Variants in DLGAP4 observed in about 807,000 individuals in gnomAD.
DLGAP4 encodes the protein DLG associated protein 4.
DLGAP4 carries 18 observed loss-of-function variants against 86.9 expected under a neutral mutation model. The observed-to-expected ratio is 0.21, with a 90% CI of 0.14 to 0.31. The LOEUF (loss-of-function observed/expected upper bound fraction) is 0.31, where lower values mean the gene tolerates loss of function less well. Ranked by LOEUF, DLGAP4 falls within the 10% of genes least tolerant of loss-of-function variation. The pLI is 1.00. For synonymous variants in DLGAP4, 548 were observed against 574.3 expected (o/e 0.95, Z 0.65); for missense variants, 1,085 against 1,362.6 (o/e 0.80, Z 3.21).
intron 10 of DLGAP4, among the ~76,000 whole-genome samples, chr20:36,512,047 ATTTTTTTT>A (rs72011781): frequency 8.6e-6 from 1 of 116,088 alleles, no homozygotes; most frequent in Admixed American, 8.7e-5. Context: ...TGTCTCTCTG[ATTTTTTTT>A]TTTTTTTTTT....
In DLGAP4 at chr20:36,475,200, A is replaced by C. The variant is rs902371923; in HGVS notation, c.1649-21505A>C. Among the ~76,000 whole-genome samples the C allele has an allele frequency of 1.0e-3, 156 of 152,024 alleles. 1 individual carries two copies. The highest frequency in any genetic ancestry group is 3.6e-3 in the African/African-American group (149 of 41,484). Reference sequence around the variant, plus strand: ...GTGATAATGAATGTACTGCAAGTGAATATGTTTATATGTTTCTTCCTTTTT... The same window carrying C: ...GTGATAATGAATGTACTGCAAGTGACTATGTTTATATGTTTCTTCCTTTTT... On this transcript the variant is annotated intron_variant, in intron 7 of 12. Coordinates refer to ENST00000339266, the MANE Select transcript of DLGAP4 (RefSeq NM_001365621.2).
In DLGAP4 at chr20:36,306,671, T is replaced by C. The variant is rs901139550; in HGVS notation, c.-304+159T>C. On this transcript the variant is annotated intron_variant, in intron 1 of 12. Transcript: ENST00000339266. This position sits in a 1 kb window ranked among gnomAD's most constrained non-coding sequence, Gnocchi z 4.9. ...GAAAAGCCCCCTCCCCTGCCAGTTC[T>C]GTCTTCCGATCCCGGGTCCGAGGGG... is the stretch of plus-strand genomic sequence containing the variant. Among the ~76,000 whole-genome samples, 8 of 151,952 alleles carry C rather than the reference T, an allele frequency of 5.3e-5. No individual in the cohort carries two copies. The highest frequency in any genetic ancestry group is 1.7e-4 in the African/African-American group (7 of 41,386).
chr20:36,526,816 G>A lies in DLGAP4; in HGVS notation c.2764G>A (p.Glu922Lys). The A allele has an allele frequency of 6.2e-7, 1 of 1,600,352 alleles. No homozygotes were observed. Residue 922 changes from glutamate (E) to lysine (K), a missense_variant, in exon 13 of 13, where the codon GAG becomes AAG. By Grantham distance (56) the Glu-to-Lys change is moderately conservative. Coordinates refer to ENST00000339266, the MANE Select transcript of DLGAP4 (RefSeq NM_001365621.2). ...LVETPEKRKEEKKPPPPVPKK... is the reference protein window; with the variant it reads ...LVETPEKRKEKKKPPPPVPKK... The stretch of plus-strand genomic sequence containing the variant: ...TCTCCTCACTGTCTCACTAAAGGAA[G>A]AGAAGAAACCACCCCCTCCGGTCCC...
At position 36,500,470 on chromosome 20, in the gene DLGAP4, C is replaced by T. The variant is rs539885219; in HGVS notation, c.2371C>T (p.Pro791Ser). Reference sequence around the variant, plus strand: ...CTGGCTCGAGACCTCCTCCAGCTCCCCAGCAGAGCCGGCACAGCCAGGGGC... The same window carrying T: ...CTGGCTCGAGACCTCCTCCAGCTCCTCAGCAGAGCCGGCACAGCCAGGGGC... ...DPWLETSSSS[P>S]AEPAQPGACR... The change falls in exon 10 of 13, where the codon CCA (proline) becomes TCA (serine). Residue 791 changes from proline to serine, a missense_variant. Coordinates refer to ENST00000339266, the MANE Select transcript of DLGAP4 (RefSeq NM_001365621.2). This position sits in a 1 kb window ranked among gnomAD's most constrained non-coding sequence, Gnocchi z 4.6. 25 of 1,590,926 alleles carry T rather than the reference C, an allele frequency of 1.6e-5. No individual in the cohort carries two copies. In the African/African-American group the frequency reaches 3.0e-4, roughly 19 times the overall value.
intron 1 of DLGAP4, among the ~76,000 whole-genome samples, chr20:36,360,943 G>C (rs1163969378): frequency 6.6e-6 from 1 of 152,076 alleles, no homozygotes; most frequent in East Asian, 1.9e-4. Context: ...ATGAGCCTCA[G>C]GTTCAGAGGT....
intron 2 of DLGAP4, among the ~76,000 whole-genome samples, chr20:36,375,099 C>A (rs1418662232): frequency 6.6e-6 from 1 of 152,246 alleles, no homozygotes; most frequent in Non-Finnish European, 1.5e-5. Context: ...AGAGGCCAAG[C>A]CGCCTATGTG....
intron 1 of DLGAP4, among the ~76,000 whole-genome samples, chr20:36,353,001 C>T (rs1172814738): frequency 5.3e-5 from 8 of 152,212 alleles, no homozygotes; most frequent in African/African-American, 1.4e-4. Flanking sequence ...CCTCCTCCTG[C>T]GTCCACTGTG....
intron 2 of DLGAP4, among the ~76,000 whole-genome samples, chr20:36,408,757 G>A (rs2032398806): frequency 6.6e-6 from 1 of 152,180 alleles, no homozygotes; most frequent in African/African-American, 2.4e-5. Context: ...ATAAAGTTTT[G>A]CAATAGATAT....
At chr20:36,468,265 C>T (rs1222780101) in intron 7 of DLGAP4, among the ~76,000 whole-genome samples, 4 of 152,226 alleles carry the variant, frequency 2.6e-5, no homozygotes, top group Non-Finnish European at 5.9e-5. Flanking sequence ...GAATTCTCAG[C>T]CAGCCCCCAC....
intron 2 of DLGAP4, among the ~76,000 whole-genome samples, chr20:36,371,556 C>T (rs545190306): frequency 6.6e-5 from 10 of 152,186 alleles, no homozygotes; most frequent in Non-Finnish European, 1.2e-4. Flanking sequence ...TGCATCCAGC[C>T]GTGCTGGACA....
At chr20:36,414,089 C>T (rs1047544938) in intron 2 of DLGAP4, among the ~76,000 whole-genome samples, 2 of 152,152 alleles carry the variant, frequency 1.3e-5, no homozygotes, top group Admixed American at 6.5e-5. Context: ...AGCCCCACAC[C>T]GTTGGGATAA....
At chr20:36,453,634 A>T (rs1468444073) in intron 7 of DLGAP4, among the ~76,000 whole-genome samples, 2 of 151,576 alleles carry the variant, frequency 1.3e-5, no homozygotes, top group Non-Finnish European at 2.9e-5. Flanking sequence ...CTCTGTCTTT[A>T]AAAAAAAGAA....
chr20:36,407,915 A>G (rs916489409), intron 2 of DLGAP4, among the ~76,000 whole-genome samples: 6 of 152,058 alleles, frequency 3.9e-5, no homozygotes, highest in Admixed American at 2.0e-4. Context: ...GTCAAGGAGG[A>G]TGTGGTTGGA....
intron 2 of DLGAP4, among the ~76,000 whole-genome samples, chr20:36,391,706 A>G (rs1600473201): frequency 6.6e-6 from 1 of 151,956 alleles, no homozygotes; most frequent in Non-Finnish European, 1.5e-5. Flanking sequence ...AACAGCGCCC[A>G]CCCTTCACCC....
rs1273465878 is a variant in DLGAP4, at chr20:36,330,052, A to T, written c.-304+23540A>T. Among the ~76,000 whole-genome samples, 6 of 152,058 alleles carry T rather than the reference A, an allele frequency of 3.9e-5. No homozygotes were observed. In the East Asian group the frequency reaches 1.2e-3, roughly 29 times the overall value. On this transcript the variant is annotated intron_variant, in intron 1 of 12. Coordinates refer to ENST00000339266, the MANE Select transcript of DLGAP4 (RefSeq NM_001365621.2). Reference sequence around the variant, plus strand: ...AAAAAAAAAAAAAAGACTGAAAGACACACACCATAATATCAGAAGCAGTCA... The same window carrying T: ...AAAAAAAAAAAAAAGACTGAAAGACTCACACCATAATATCAGAAGCAGTCA...
intron 2 of DLGAP4, among the ~76,000 whole-genome samples, chr20:36,390,495 G>C (rs569234857): frequency 4.6e-5 from 7 of 152,168 alleles, no homozygotes; most frequent in African/African-American, 1.4e-4. Context: ...ACCACCTACT[G>C]CCTGCCACAT....
rs767278461 is a variant in DLGAP4 at position 36,487,174 on chromosome 20, G to A, written c.1649-9531G>A. On this transcript the variant is annotated intron_variant, in intron 7 of 12. Coordinates refer to ENST00000339266, the MANE Select transcript of DLGAP4 (RefSeq NM_001365621.2). ...CCATGCTTCTGGAGTGTATAACTGAGTGTTCAGGGCCCCCTCTCTGGGAGA... is the reference window on the plus strand; with the variant it reads ...CCATGCTTCTGGAGTGTATAACTGAATGTTCAGGGCCCCCTCTCTGGGAGA... Among the ~76,000 whole-genome samples the A allele has an allele frequency of 1.3e-3, 203 of 152,306 alleles. 4 individuals carry two copies. Among genetic ancestry groups the A allele is most frequent in the Middle Eastern group, 0.01 (3 of 294 alleles).
intron 3 of DLGAP4, among the ~76,000 whole-genome samples, chr20:36,433,561 G>A (rs979155139): frequency 1.3e-5 from 2 of 152,222 alleles, no homozygotes. Flanking sequence ...CAGGTGGAAG[G>A]AGCTGCTTCT....
At chr20:36,372,052 C>G (rs1237633901) in intron 2 of DLGAP4, among the ~76,000 whole-genome samples, 1 of 152,170 alleles carries the variant, frequency 6.6e-6, no homozygotes, top group Non-Finnish European at 1.5e-5. Flanking sequence ...TCTGGGTCAT[C>G]CCTTTGACTG....
Sources: gnomAD v4.1 joint callset for allele counts (sites outside exome capture counted in the v4.1 genomes callset) on GRCh38, gnomAD v4.1.1 for gene constraint, Gnocchi (gnomAD v3.1) non-coding constraint, MANE v1.5 for transcripts, NCBI Gene and HGNC (gene_info 2026-07-23, HGNC 2026-07-21) for gene names.